Variants in DDX10 observed in about 807,000 individuals in gnomAD.
DDX10 encodes probable ATP-dependent RNA helicase DDX10.
In DDX10, 74 loss-of-function variants were observed where a neutral mutation model predicts 104.3. The observed-to-expected ratio is 0.71, with a 90% CI of 0.59 to 0.86. The LOEUF (loss-of-function observed/expected upper bound fraction) is 0.86, where lower values mean the gene tolerates loss of function less well. DDX10 is among the 40% of genes least tolerant of loss of function. DDX10 has a pLI of 0.00. For synonymous variants in DDX10, 351 were observed against 353.4 expected (o/e 0.99, Z 0.08); for missense variants, 952 against 1,040.0 (o/e 0.92, Z 1.16).
At chr11:108,739,258 G>A (rs1234091034) in intron 13 of DDX10, among the ~76,000 whole-genome samples, 1 of 152,132 alleles carries the variant, frequency 6.6e-6, no homozygotes, top group Non-Finnish European at 1.5e-5. Context: ...TCTCCCAAAC[G>A]AGAAAAGTTA....
chr11:108,805,669 T>A (rs1206176689), intron 13 of DDX10, among the ~76,000 whole-genome samples: 2 of 152,186 alleles, frequency 1.3e-5, no homozygotes, highest in Non-Finnish European at 2.9e-5. Context: ...AGAGGAGTGA[T>A]CTTTTTGGAT....
In DDX10 at chr11:108,838,625, T is replaced by C. The variant is rs543999938; in HGVS notation, c.2085+60T>C. On this transcript the variant is annotated intron_variant, in intron 14 of 17. Transcript: ENST00000322536. ...ATTTGGAGTATTAGAAGAGATCGAC[T>C]CTCTCTTACTTAGCACTCATTAATG... 108 of 1,527,328 alleles carry C rather than the reference T, an allele frequency of 7.1e-5. No individual in the cohort carries two copies. In the African/African-American group the frequency reaches 1.1e-3, roughly 16 times the overall value. The allele number at this position is 1,527,328 out of a possible 1,614,324, so 94.6% of individuals were successfully genotyped here.
intron 13 of DDX10, among the ~76,000 whole-genome samples, chr11:108,828,460 G>T (rs1470346549): frequency 2.0e-5 from 3 of 152,128 alleles, no homozygotes; most frequent in East Asian, 1.9e-4. Context: ...GTTCCATCCA[G>T]GTTGCTGTGA....
intron 13 of DDX10, among the ~76,000 whole-genome samples, chr11:108,752,122 G>T (rs1344408700): frequency 6.6e-6 from 1 of 152,070 alleles, no homozygotes; most frequent in Admixed American, 6.6e-5. Flanking sequence ...TGAAGAATGG[G>T]GCATGTGGTA....
intron 13 of DDX10, among the ~76,000 whole-genome samples, chr11:108,751,778 T>C (rs1481798274): frequency 2.0e-5 from 3 of 152,214 alleles, no homozygotes; most frequent in Non-Finnish European, 2.9e-5. Flanking sequence ...CTTTCTGTTA[T>C]TACATTTGGC....
intron 10 of DDX10, among the ~76,000 whole-genome samples, chr11:108,714,373 G>T (rs1420626552): frequency 6.6e-6 from 1 of 152,050 alleles, no homozygotes; most frequent in Non-Finnish European, 1.5e-5. Flanking sequence ...CCTGTGTTGG[G>T]ACTGTGGTTT....
At chr11:108,783,131 A>G (rs939245488) in intron 13 of DDX10, among the ~76,000 whole-genome samples, 1 of 152,182 alleles carries the variant, frequency 6.6e-6, no homozygotes, top group Non-Finnish European at 1.5e-5. Context: ...TACTGAACTT[A>G]CCAAAATATT....
chr11:108,909,931 G>C (rs1038133509), intron 16 of DDX10, among the ~76,000 whole-genome samples: 1 of 152,290 alleles, frequency 6.6e-6, no homozygotes, highest in Admixed American at 6.5e-5. Context: ...CTGAAAGAAC[G>C]TGTTGTAAAC....
intron 13 of DDX10, among the ~76,000 whole-genome samples, chr11:108,774,172 C>T (rs1218569051): frequency 6.6e-6 from 1 of 152,250 alleles, no homozygotes; most frequent in Non-Finnish European, 1.5e-5. Flanking sequence ...TGAATTGTTG[C>T]TGTATTCTGT....
chr11:108,908,159 A>G (rs1299626573), intron 16 of DDX10, among the ~76,000 whole-genome samples: 1 of 152,162 alleles, frequency 6.6e-6, no homozygotes, highest in Non-Finnish European at 1.5e-5. Context: ...TAGCTTGGGG[A>G]AATCTCAAAA....
intron 6 of DDX10, among the ~76,000 whole-genome samples, chr11:108,682,502 T>G (rs2094236828): frequency 6.6e-6 from 1 of 152,246 alleles, no homozygotes; most frequent in Non-Finnish European, 1.5e-5. Flanking sequence ...CTTTCTACAT[T>G]GTTTACACCC....
intron 13 of DDX10, among the ~76,000 whole-genome samples, chr11:108,758,233 TG>T (rs2094346809): frequency 6.6e-6 from 1 of 152,080 alleles, no homozygotes; most frequent in Non-Finnish European, 1.5e-5. Flanking sequence ...TCATGCTCAG[TG>T]GGTTTTCAGG....
intron 13 of DDX10, among the ~76,000 whole-genome samples, chr11:108,728,159 T>C (rs1358838945): frequency 6.6e-6 from 1 of 152,142 alleles, no homozygotes; most frequent in East Asian, 1.9e-4. Flanking sequence ...ATTTAAATGC[T>C]CATTCTAAGA....
chr11:108,723,540 GAA>G (rs2094301514), intron 13 of DDX10, 78 bp downstream of exon 13: 2 of 1,416,748 alleles, frequency 1.4e-6, no homozygotes. Flanking sequence ...GGGACTGAGA[GAA>G]AGTGAAAACT....
At chr11:108,826,626 T>C (rs1164054451) in intron 13 of DDX10, among the ~76,000 whole-genome samples, 1 of 152,252 alleles carries the variant, frequency 6.6e-6, no homozygotes, top group Non-Finnish European at 1.5e-5. Flanking sequence ...CTTCTTCGCA[T>C]CTTGCAGTCA....
intron 17 of DDX10, among the ~76,000 whole-genome samples, chr11:108,922,438 A>G (rs185081163): frequency 3.0e-4 from 45 of 152,302 alleles, no homozygotes; most frequent in African/African-American, 1.0e-3. Context: ...CTTCATTGAC[A>G]CATATAAATA....
At chr11:108,871,760 C>G (rs1863085117) in intron 16 of DDX10, among the ~76,000 whole-genome samples, 1 of 152,134 alleles carries the variant, frequency 6.6e-6, no homozygotes, top group Non-Finnish European at 1.5e-5. Flanking sequence ...GAAACCCCAT[C>G]TCTACTAAAA....
intron 16 of DDX10, among the ~76,000 whole-genome samples, chr11:108,856,975 A>G (rs925562592): frequency 6.7e-6 from 1 of 148,694 alleles, no homozygotes; most frequent in African/African-American, 2.5e-5. Flanking sequence ...GGAATATTTT[A>G]TTTGAAATAT....
At chr11:108,940,163 C>G in intron 17 of DDX10, 83 bp from the exon 18 acceptor site, 1 of 1,382,906 alleles carries the variant, frequency 7.2e-7, no homozygotes, top group Non-Finnish European at 9.8e-7. Flanking sequence ...ATCACTTTAC[C>G]AACTCTCTGT....
Sources: allele counts gnomAD v4.1 joint callset (sites outside exome capture counted in the v4.1 genomes callset), GRCh38; gene constraint gnomAD v4.1.1; transcripts MANE v1.5; gene names NCBI Gene and HGNC (gene_info 2026-07-23, HGNC 2026-07-21).